PRMT7: variants seen among roughly 807,000 people sequenced by gnomAD.
The protein encoded by PRMT7 is protein arginine N-methyltransferase 7.
Under a neutral mutation model 85.4 loss-of-function variants are expected in PRMT7, and 75 were observed. The ratio of observed to expected loss-of-function variants is 0.88; its 90% CI spans 0.73 to 1.06. The LOEUF (loss-of-function observed/expected upper bound fraction) is 1.06. PRMT7 is among the 50% of genes least tolerant of loss of function. The probability of loss-of-function intolerance (pLI) is 0.00; values close to 1 mark genes in which losing one functional copy is unlikely to be tolerated. For synonymous variants in PRMT7, 397 were observed against 359.5 expected, an observed-to-expected ratio of 1.10 and a Z score of -1.18; for missense variants, 868 against 915.2, an observed-to-expected ratio of 0.95 and a Z score of 0.67.
At position 68,349,858 on chromosome 16, in the gene PRMT7, G is replaced by A. The variant is rs1228931264; in HGVS notation, c.1413+1427G>A. Reference sequence around the variant, plus strand: ...TGCAGGGAGCCGTGCTTGTGGCAGAGCACTACAGCATGGCTGACAGAGTGA... The same window carrying A: ...TGCAGGGAGCCGTGCTTGTGGCAGAACACTACAGCATGGCTGACAGAGTGA... On this transcript the variant is annotated intron_variant, in intron 14 of 18. Transcript: ENST00000441236. 4.6e-5 allele frequency among the ~76,000 whole-genome samples: 7 copies of A among 152,294 alleles called. 1 individual carries two copies. In the East Asian group the frequency reaches 9.6e-4, roughly 21 times the overall value.
intron 5 of PRMT7, among the ~76,000 whole-genome samples, chr16:68,325,926 C>T (rs1175445548): frequency 6.6e-6 from 1 of 152,180 alleles, no homozygotes; most frequent in Non-Finnish European, 1.5e-5. Flanking sequence ...CCTTAAATGT[C>T]CCTATGGAGT....
chr16:68,352,236 C>T lies in PRMT7; in HGVS notation c.1414-12C>T. ...ACTGACACCTGGGCCCTGCTTCTCG[C>T]CCATTCACCAGGTCTCTCTCCTCCT... On this transcript the variant is annotated splice_polypyrimidine_tract_variant and intron_variant, in intron 14 of 18. Transcript: ENST00000441236. 1.2e-6 allele frequency: 2 copies of T among 1,612,008 alleles called. No homozygotes were observed. The highest frequency in any genetic ancestry group is 8.5e-7 in the Non-Finnish European group (1 of 1,179,442).
At position 68,347,313 on chromosome 16, in the gene PRMT7, G is replaced by A. The variant is rs1382289449; in HGVS notation, c.1275+19G>A. 6.6e-7 allele frequency: 1 copy of A among 1,524,078 alleles called. No individual in the cohort carries two copies. Among genetic ancestry groups the A allele is most frequent in the Non-Finnish European group, 8.8e-7 (1 of 1,130,256 alleles). The allele number at this position is 1,524,078 out of a possible 1,614,324, so 94.4% of individuals were successfully genotyped here. A position where few individuals can be genotyped will look rare whatever the true frequency, so the allele number is the denominator to read the frequency against. ...GGAGCAGGTACTGACATGCACCCTT[G>A]TCAGCCTCCTGATGTGGGCTTGTGA... On this transcript the variant is annotated intron_variant, in intron 12 of 18. Coordinates refer to ENST00000441236, the MANE Select transcript of PRMT7 (RefSeq NM_019023.5).
At position 68,337,473 on chromosome 16, in the gene PRMT7, T is replaced by C; in HGVS notation, c.406T>C (p.Cys136Arg). The C allele has an allele frequency of 8.7e-6, 14 of 1,609,852 alleles. No homozygotes were observed. The highest frequency in any genetic ancestry group is 1.2e-5 in the Non-Finnish European group (14 of 1,178,316). ...VTVGPEGDMPCRANILVTELF... is the reference protein window; with the variant it reads ...VTVGPEGDMPRRANILVTELF... ...GTGTTTTTCAGAGGGTGACATGCCA[T>C]GCCGTGCCAACATCCTGGTCACAGA... The change falls in exon 7 of 19, where the codon TGC (cysteine) becomes CGC (arginine). Residue 136 changes from cysteine to arginine, a missense_variant. Coordinates refer to ENST00000441236, the MANE Select transcript of PRMT7 (RefSeq NM_019023.5).
At chr16:68,343,206 A>AG (rs199891955) in intron 9 of PRMT7, among the ~76,000 whole-genome samples, 4 of 150,764 alleles carry the variant, frequency 2.7e-5, no homozygotes, top group Middle Eastern at 6.8e-3. Context: ...CTCCGTCTCA[A>AG]AAAAAAAAAA....
intron 9 of PRMT7, among the ~76,000 whole-genome samples, chr16:68,343,669 A>G (rs923924577): frequency 2.0e-5 from 3 of 152,214 alleles, no homozygotes; most frequent in Non-Finnish European, 4.4e-5. Flanking sequence ...TGTCTTCTTC[A>G]CATGCATTTG....
In PRMT7 at chr16:68,356,176, G is replaced by A. The variant is rs903669732; in HGVS notation, c.1811+293G>A. Among the ~76,000 whole-genome samples, 18 of 152,206 alleles carry A rather than the reference G, an allele frequency of 1.2e-4. 1 individual carries two copies. The highest frequency in any genetic ancestry group is 4.3e-4 in the African/African-American group (18 of 41,450). ...TGGGAGCTTACTTCCTGTGGTCACC[G>A]ATGCACCATTTTCCTGAACCCTCCT... On this transcript the variant is annotated intron_variant, in intron 17 of 18. Transcript: ENST00000441236.
intron 6 of PRMT7, among the ~76,000 whole-genome samples, chr16:68,335,331 T>TG (rs888246884): frequency 6.6e-6 from 1 of 150,922 alleles, no homozygotes; most frequent in African/African-American, 2.4e-5. Context: ...AACTAGTAAA[T>TG]GATGCCCAGA....
intron 9 of PRMT7, 23 bp from the exon 10 acceptor site, chr16:68,345,652 G>A (rs1402376332): frequency 5.0e-6 from 8 of 1,612,658 alleles, no homozygotes; most frequent in Non-Finnish European, 6.8e-6. Context: ...CTCGTTGACA[G>A]CTGACTCTGT....
intron 10 of PRMT7, 61 bp from the exon 11 acceptor site, chr16:68,346,084 C>T (rs776611166): frequency 2.1e-5 from 33 of 1,602,344 alleles, no homozygotes; most frequent in African/African-American, 5.3e-5. Context: ...CAGATTCATG[C>T]CCTCTGGAGA....
chr16:68,344,450 G>C (rs1195866494), intron 9 of PRMT7, among the ~76,000 whole-genome samples: 1 of 152,118 alleles, frequency 6.6e-6, no homozygotes, highest in Non-Finnish European at 1.5e-5. Context: ...TCTCTGTTCC[G>C]GGCCCCGTGG....
chr16:68,350,401 G>C lies in PRMT7; in HGVS notation c.1414-1847G>C, dbSNP rs59590217. Among the ~76,000 whole-genome samples, 647 of 152,082 alleles carry C rather than the reference G, an allele frequency of 4.3e-3. 6 individuals carry two copies. Among genetic ancestry groups the C allele is most frequent in the African/African-American group, 0.015 (632 of 41,468 alleles). ...CCCATCGGTAACATCTGAGGGTCCA[G>C]GTTCTCGGATCCTCACCAGCACCTG... On this transcript the variant is annotated intron_variant, in intron 14 of 18. Coordinates refer to ENST00000441236, the MANE Select transcript of PRMT7 (RefSeq NM_019023.5).
At chr16:68,350,081 C>T (rs1284792327) in intron 14 of PRMT7, among the ~76,000 whole-genome samples, 2 of 152,200 alleles carry the variant, frequency 1.3e-5, no homozygotes, top group Non-Finnish European at 2.9e-5. Flanking sequence ...AGTCTGGCTC[C>T]TTTCGCTGAG....
intron 6 of PRMT7, among the ~76,000 whole-genome samples, chr16:68,333,991 G>C (rs2017081): frequency 0.62 from 94,079 of 151,968 alleles, 29,288 homozygotes; most frequent in East Asian, 0.78. Flanking sequence ...AGCTGGTCTT[G>C]AACTCATGAC....
At chr16:68,350,083 T>C (rs1326701668) in intron 14 of PRMT7, among the ~76,000 whole-genome samples, 2 of 152,198 alleles carry the variant, frequency 1.3e-5, no homozygotes, top group Non-Finnish European at 2.9e-5. Flanking sequence ...TCTGGCTCCT[T>C]TCGCTGAGCA....
intron 14 of PRMT7, among the ~76,000 whole-genome samples, chr16:68,349,743 A>G (rs1360334409): frequency 6.6e-6 from 1 of 152,042 alleles, no homozygotes; most frequent in African/African-American, 2.4e-5. Flanking sequence ...AAACAAAAAA[A>G]ATTAACCGAG....
At chr16:68,321,739 A>G (rs369960599) in intron 4 of PRMT7, 1 of 326,042 alleles carries the variant, frequency 3.1e-6, no homozygotes, top group Non-Finnish European at 5.6e-6. Context: ...AAATGATTGA[A>G]TCAAGCTAAT....
In PRMT7 at chr16:68,348,409, A is replaced by T. The variant is rs1287664332; in HGVS notation, c.1391A>T (p.Asn464Ile). The T allele has an allele frequency of 1.9e-6, 3 of 1,612,252 alleles. No individual in the cohort carries two copies. The highest frequency in any genetic ancestry group is 2.5e-6 in the Non-Finnish European group (3 of 1,178,322). ...IIEKRPELLT[N>I]EDLQGRKVSL... Reference sequence around the variant, plus strand: ...GAGAAACGGCCGGAATTATTAACAAATGAGGACCTACAGGGCAGAAAGGTG... The same window carrying T: ...GAGAAACGGCCGGAATTATTAACAATTGAGGACCTACAGGGCAGAAAGGTG... Residue 464 changes from asparagine to isoleucine, a missense_variant, in exon 14 of 19, where the codon AAT becomes ATT. Coordinates refer to ENST00000441236, the MANE Select transcript of PRMT7 (RefSeq NM_019023.5).
Position 68,345,725 on chromosome 16 carries a change from T to G in PRMT7, c.978T>G (p.Pro326=), listed in dbSNP as rs781130232. ...TGTACTTCCTGCCACAAGAGGAGCC[T>G]GTGGTGCAGGGCTCAGCGCTCTATC... is the stretch of plus-strand genomic sequence containing the variant. The part of the protein sequence containing the change: ...QCVYFLPQEE[P]VVQGSALYLV... The change falls in exon 10 of 19, where the codon CCT becomes CCG. Residue 326 remains proline (P), a synonymous_variant. Coordinates refer to ENST00000441236, the MANE Select transcript of PRMT7 (RefSeq NM_019023.5). 1 of 1,614,042 alleles carries G rather than the reference T, an allele frequency of 6.2e-7. No individual in the cohort carries two copies. The highest frequency in any genetic ancestry group is 8.5e-7 in the Non-Finnish European group (1 of 1,180,026).
Sources: allele counts gnomAD v4.1 joint callset (sites outside exome capture counted in the v4.1 genomes callset), GRCh38; gene constraint gnomAD v4.1.1; transcripts MANE v1.5; gene names NCBI Gene and HGNC (gene_info 2026-07-23, HGNC 2026-07-21).